Variants in SLC6A4 observed in about 807,000 individuals in gnomAD.
SLC6A4 encodes solute carrier family 6 member 4.
In SLC6A4, 22 loss-of-function variants were observed where a neutral mutation model predicts 73.4. The observed-to-expected ratio is 0.30, with a 90% CI of 0.21 to 0.43. The LOEUF is 0.43. Among genes scored for constraint, SLC6A4 ranks in the 20% least tolerant of loss-of-function variants. The probability of loss-of-function intolerance (pLI) is 1.00; values close to 1 mark genes in which losing one functional copy is unlikely to be tolerated. For synonymous variants in SLC6A4, 270 were observed against 315.5 expected (o/e 0.86, Z 1.53); for missense variants, 593 against 808.5 (o/e 0.73, Z 3.23).
intron 1 of SLC6A4, among the ~76,000 whole-genome samples, 169 bp from the exon 2 acceptor site, chr17:30,223,084 G>A (rs539606730): frequency 4.6e-5 from 7 of 152,330 alleles, no homozygotes; most frequent in African/African-American, 1.7e-4. Context: ...GTCGTCAAAC[G>A]TGGGGTAGAA....
chr17:30,209,083 T>C lies in SLC6A4; in HGVS notation c.1549+60A>G. 4 of 1,193,736 alleles carry C rather than the reference T, an allele frequency of 3.4e-6. No homozygotes were observed. The South Asian group carries it at 5.1e-5, about 15-fold the overall frequency. 73.9% of individuals were successfully genotyped at this position (1,193,736 alleles called of 1,614,324 possible). ...AGCCTTTTTTGGTGAAATCAGCCCT[T>C]TGCTACTGTGCTGGCTGATGGTGTA... On this transcript the variant is annotated intron_variant, in intron 12 of 14. Transcript: ENST00000650711.
rs376082925 is a variant in SLC6A4 at position 30,216,244 on chromosome 17, C to T, written c.838-28G>A. The stretch of plus-strand genomic sequence containing the variant: ...GTAAGGAAGAAGGGTTATCACCATG[C>T]TGTTCCAGGGAGGGGAGGGGAGGGG... On this transcript the variant is annotated intron_variant, in intron 6 of 14. Coordinates refer to ENST00000650711, the MANE Select transcript of SLC6A4 (RefSeq NM_001045.6). 4 of 1,139,650 alleles carry T rather than the reference C, an allele frequency of 3.5e-6. No homozygotes were observed. The African/African-American group carries it at 5.3e-5, about 15-fold the overall frequency. The allele number at this position is 1,139,650 out of a possible 1,614,324, so 70.6% of individuals were successfully genotyped here.
Position 30,195,273 on chromosome 17 carries a change from G to A in SLC6A4, c.*3183C>T, listed in dbSNP as rs1321063016. ...AGAGGGTTTTTTTGTTTTTGTTTTT[G>A]TTTTTTAGATGGAGTCTTGCTCTGT... On this transcript the variant is annotated 3_prime_UTR_variant, in exon 15 of 15. Coordinates refer to ENST00000650711, the MANE Select transcript of SLC6A4 (RefSeq NM_001045.6). 1 of 152,200 alleles carries A rather than the reference G, an allele frequency of 6.6e-6. No individual in the cohort carries two copies. Among genetic ancestry groups the A allele is most frequent in the Non-Finnish European group, 1.5e-5 (1 of 68,198 alleles). The allele number at this position is 152,200 out of a possible 1,614,324, so 9.4% of individuals were successfully genotyped here.
chr17:30,212,967 A>C (rs1906435640), intron 8 of SLC6A4, 100 bp from the exon 9 acceptor site: 2 of 1,284,436 alleles, frequency 1.6e-6, no homozygotes, highest in Non-Finnish European at 2.2e-6. Context: ...CAGGGCGGCC[A>C]CAGCAAGGAC....
In SLC6A4 at chr17:30,218,840, A is replaced by G. The variant is rs1411069756; in HGVS notation, c.435T>C (p.Asn145=). 3.7e-6 allele frequency: 6 copies of G among 1,613,818 alleles called. No homozygotes were observed. In the African/African-American group the frequency reaches 6.7e-5, roughly 18 times the overall value. The part of the protein sequence containing the change: ...MELALGQYHR[N]GCISIWRKIC... Reference sequence around the variant, plus strand: ...TTTTCCTCCATATTGAAATGCATCCATTTCGGTGGTACTGTCCCAGTGCGA... The same window carrying G: ...TTTTCCTCCATATTGAAATGCATCCGTTTCGGTGGTACTGTCCCAGTGCGA... Residue 145 remains asparagine (N), a synonymous_variant, in exon 4 of 15, where the codon AAT becomes AAC. Coordinates refer to ENST00000650711, the MANE Select transcript of SLC6A4 (RefSeq NM_001045.6).
chr17:30,216,437 G>A (rs1906577616), intron 6 of SLC6A4, among the ~76,000 whole-genome samples: 1 of 152,092 alleles, frequency 6.6e-6, no homozygotes, highest in South Asian at 2.1e-4. Flanking sequence ...GGTTGGCCAG[G>A]AGAACTACCT....
intron 1 of SLC6A4, among the ~76,000 whole-genome samples, chr17:30,232,829 C>G (rs1288827107): frequency 6.6e-6 from 1 of 152,212 alleles, no homozygotes; most frequent in Non-Finnish European, 1.5e-5. Flanking sequence ...CTGAAGGGAG[C>G]AGCCCCTGCA....
rs200510224 is a variant in SLC6A4, at chr17:30,209,210, C to G, written c.1482G>C (p.Glu494Asp). The G allele has an allele frequency of 1.9e-5, 30 of 1,613,660 alleles. No homozygotes were observed. In the East Asian group the frequency reaches 6.0e-4, roughly 32 times the overall value. Reference sequence around the variant, plus strand: ...TGAGCACTGCGGGCCCCGTGGCATACTCCTCCAGCAGCTTCACCACGTAGG... The same window carrying G: ...TGAGCACTGCGGGCCCCGTGGCATAGTCCTCCAGCAGCTTCACCACGTAGG... Reference protein sequence around the residue: ...GGAYVVKLLEEYATGPAVLTV... With the variant: ...GGAYVVKLLEDYATGPAVLTV... The change falls in exon 12 of 15, where the codon GAG (glutamate) becomes GAC (aspartate). Residue 494 changes from glutamate (E) to aspartate (D), a missense_variant. Physicochemically the swap from Glu to Asp is conservative, Grantham distance 45. Coordinates refer to ENST00000650711, the MANE Select transcript of SLC6A4 (RefSeq NM_001045.6).
chr17:30,203,427 A>G, intron 13 of SLC6A4, 88 bp from the exon 14 acceptor site: 1 of 1,117,148 alleles, frequency 9.0e-7, no homozygotes. Flanking sequence ...ACCAAATGCT[A>G]AAGCTAAGAT....
At position 30,210,583 on chromosome 17, in the gene SLC6A4, G is replaced by A. The variant is rs773355828; in HGVS notation, c.1381C>T (p.Arg461Cys). The change falls in exon 11 of 15, where the codon CGC becomes TGC. Residue 461 changes from arginine (R) to cysteine (C), a missense_variant. Physicochemically the swap from Arg to Cys is radical, Grantham distance 180. Coordinates refer to ENST00000650711, the MANE Select transcript of SLC6A4 (RefSeq NM_001045.6). ...LDEFPHVWAK[R>C]RERFVLAVVI... ...ACGGCGAGCACGAACCGCTCCCGGCGCTTGGCCCAGACGTGTGGGAACTCA... is the reference window on the plus strand; with the variant it reads ...ACGGCGAGCACGAACCGCTCCCGGCACTTGGCCCAGACGTGTGGGAACTCA... The A allele has an allele frequency of 5.0e-6, 8 of 1,613,906 alleles. No homozygotes were observed. Among genetic ancestry groups the A allele is most frequent in the South Asian group, 4.4e-5 (4 of 91,052 alleles).
rs1439403998 is a variant in SLC6A4, at chr17:30,208,181, AC to A, written c.1550-350del. ...TGGATGGGCATCTGGGAAGAGACAC[AC>A]ACCCCCTTCTTGGTGCCACACCGCC... On this transcript the variant is annotated intron_variant, in intron 12 of 14. Coordinates refer to ENST00000650711, the MANE Select transcript of SLC6A4 (RefSeq NM_001045.6). 3.9e-5 allele frequency among the ~76,000 whole-genome samples: 6 copies of A among 152,182 alleles called. No individual in the cohort carries two copies. The East Asian group carries it at 1.2e-3, about 29-fold the overall frequency.
At position 30,235,510 on chromosome 17, in the gene SLC6A4, T is replaced by A. The variant is rs1374851372; in HGVS notation, c.-221+103A>T. On this transcript the variant is annotated intron_variant, in intron 1 of 14. Coordinates refer to ENST00000650711, the MANE Select transcript of SLC6A4 (RefSeq NM_001045.6). This position sits in a 1 kb window ranked among gnomAD's most constrained non-coding sequence, Gnocchi z 4.5. ...GGGGCGCATGCACCTCCTCGCCTCC[T>A]CGCAGGGCGGTGGGGCGCAGCGGTT... is the stretch of plus-strand genomic sequence containing the variant. The A allele has an allele frequency of 6.6e-6, 1 of 152,158 alleles. No homozygotes were observed. The highest frequency in any genetic ancestry group is 1.5e-5 in the Non-Finnish European group (1 of 68,028). The allele number at this position is 152,158 out of a possible 1,614,324, so 9.4% of individuals were successfully genotyped here. A position where few individuals can be genotyped will look rare whatever the true frequency, so the allele number is the denominator to read the frequency against.
Position 30,225,170 on chromosome 17 carries a change from C to T in SLC6A4, c.-220-2255G>A, listed in dbSNP as rs746462434. On this transcript the variant is annotated intron_variant, in intron 1 of 14. Coordinates refer to ENST00000650711, the MANE Select transcript of SLC6A4 (RefSeq NM_001045.6). ...TCTCCTACTGAACCCCCACCCTCAT[C>T]ATAGAATCTGGGGTGCAAACACAAA... is the stretch of plus-strand genomic sequence containing the variant. Among the ~76,000 whole-genome samples, 209 of 152,208 alleles carry T rather than the reference C, an allele frequency of 1.4e-3. 1 individual carries two copies. Among genetic ancestry groups the T allele is most frequent in the Non-Finnish European group, 2.6e-3 (176 of 68,006 alleles).
chr17:30,222,994 T>C (rs2143015663), intron 1 of SLC6A4, 79 bp from the exon 2 acceptor site: 2 of 448,268 alleles, frequency 4.5e-6, no homozygotes, highest in Admixed American at 4.9e-5. Context: ...TGGGAGGGCC[T>C]GGCCGGGGCT....
Position 30,203,269 on chromosome 17 carries a change from C to T in SLC6A4, c.1721G>A (p.Ser574Asn). The change falls in exon 14 of 15, where the codon AGT becomes AAT. Residue 574 changes from serine to asparagine, a missense_variant. Transcript: ENST00000650711. The stretch of plus-strand genomic sequence containing the variant: ...TCCTATGCAGTAACCCAAGATGATA[C>T]TCCAGTAAGGATAATTATATTGGAA... ...RLFQYNYPYWSIILGYCIGTS... is the reference protein window; with the variant it reads ...RLFQYNYPYWNIILGYCIGTS... 6.2e-7 allele frequency: 1 copy of T among 1,613,672 alleles called. No individual in the cohort carries two copies. Among genetic ancestry groups the T allele is most frequent in the Non-Finnish European group, 8.5e-7 (1 of 1,179,582 alleles).
intron 6 of SLC6A4, among the ~76,000 whole-genome samples, 155 bp from the exon 7 acceptor site, chr17:30,216,371 C>T (rs140700): frequency 0.073 from 11,097 of 151,650 alleles, 403 homozygotes; most frequent in South Asian, 0.12. Context: ...GAAAGGAGGG[C>T]GAGGTGGTGT....
intron 8 of SLC6A4, 145 bp from the exon 9 acceptor site, chr17:30,213,012 C>G (rs545325726): frequency 1.2e-6 from 1 of 828,394 alleles, no homozygotes; most frequent in African/African-American, 1.7e-5. Flanking sequence ...CAAGCCTGTC[C>G]CGGAGTCCCT....
At chr17:30,230,116 AGAGGAAGAGGAGGAG>A (rs1907061076) in intron 1 of SLC6A4, among the ~76,000 whole-genome samples, 4 of 134,076 alleles carry the variant, frequency 3.0e-5, no homozygotes, top group South Asian at 2.3e-4. Context: ...AGGAAGAGGA[AGAGGAAGAGGAGGAG>A]GAGGAGGAGG....
At chr17:30,215,842 A>T in intron 7 of SLC6A4, 128 bp from the exon 8 acceptor site, 1 of 825,872 alleles carries the variant, frequency 1.2e-6, no homozygotes, top group Non-Finnish European at 2.0e-6. Flanking sequence ...TTTAAGGCTC[A>T]TTCCAGGCAT....
Sources: allele counts gnomAD v4.1 joint callset (sites outside exome capture counted in the v4.1 genomes callset), GRCh38; gene constraint gnomAD v4.1.1; non-coding constraint Gnocchi (gnomAD v3.1); transcripts MANE v1.5; gene names NCBI Gene and HGNC (gene_info 2026-07-23, HGNC 2026-07-21).